The following CNTNAP4 variants were observed in gnomAD, a reference collection of about 807,000 sequenced individuals.
The protein encoded by CNTNAP4 is contactin associated protein family member 4, also known as contactin-associated protein-like 4.
A neutral mutation model predicts 148.4 loss-of-function variants in CNTNAP4; 98 were observed. The ratio of observed to expected loss-of-function variants is 0.66; its 90% CI spans 0.56 to 0.78. The LOEUF (loss-of-function observed/expected upper bound fraction) is 0.78. Ranked by LOEUF, CNTNAP4 falls within the 30% of genes least tolerant of loss-of-function variation. The pLI is 0.00. For synonymous variants in CNTNAP4, 730 were observed against 565.1 expected (o/e 1.29, Z -4.14); for missense variants, 1,935 against 1,565.6 (o/e 1.24, Z -3.98).
intron 6 of CNTNAP4, 95 bp downstream of exon 6, chr16:76,449,046 A>G (rs2080356514): frequency 2.6e-6 from 3 of 1,142,944 alleles, no homozygotes; most frequent in Admixed American, 2.2e-5. Flanking sequence ...CCACCTTTTC[A>G]GTAAATCATA....
In CNTNAP4 at chr16:76,543,896, T is replaced by A. The variant is rs191080327; in HGVS notation, c.3442+3106T>A. On this transcript the variant is annotated intron_variant, in intron 21 of 23. Transcript: ENST00000611870. ...ACGTTTCCGCACTTATCAAATATGT[T>A]TTGCATTTTTGTAAGCCCAGGTGAC... Among the ~76,000 whole-genome samples, 123 of 152,240 alleles carry A rather than the reference T, an allele frequency of 8.1e-4. 1 individual carries two copies. Among genetic ancestry groups the A allele is most frequent in the African/African-American group, 2.8e-3 (118 of 41,544 alleles).
At chr16:76,471,757 C>A (rs1366361953) in intron 10 of CNTNAP4, among the ~76,000 whole-genome samples, 2 of 152,170 alleles carry the variant, frequency 1.3e-5, no homozygotes, top group African/African-American at 2.4e-5. Context: ...TCCTGTAATA[C>A]TGAAGGCATG....
chr16:76,519,244 T>C (rs1291875436), intron 15 of CNTNAP4, among the ~76,000 whole-genome samples: 2 of 152,188 alleles, frequency 1.3e-5, no homozygotes, highest in Admixed American at 6.5e-5. Context: ...ATAGACATTA[T>C]TATGTATATG....
chr16:76,475,926 C>T lies in CNTNAP4; in HGVS notation c.1656-13C>T. ...AAATGGAAACTGGTGATTGTATCTG[C>T]ACCTTCTTTTAGGTGTTTGCCCAAC... On this transcript the variant is annotated splice_polypyrimidine_tract_variant and intron_variant, in intron 10 of 23. Transcript: ENST00000611870. 6.3e-7 allele frequency: 1 copy of T among 1,592,724 alleles called. No homozygotes were observed.
intron 3 of CNTNAP4, among the ~76,000 whole-genome samples, chr16:76,393,385 A>G (rs1358569965): frequency 2.6e-5 from 4 of 152,216 alleles, no homozygotes; most frequent in Non-Finnish European, 5.9e-5. Context: ...TATTTACCCC[A>G]GTGACAATGA....
intron 1 of CNTNAP4, among the ~76,000 whole-genome samples, chr16:76,308,457 G>T (rs1018486640): frequency 6.6e-6 from 1 of 152,198 alleles, no homozygotes; most frequent in African/African-American, 2.4e-5. Flanking sequence ...GAATGTGACA[G>T]TGCAGCAGCT....
chr16:76,533,639 G>A (rs2084084621), intron 17 of CNTNAP4, among the ~76,000 whole-genome samples: 1 of 151,080 alleles, frequency 6.6e-6, no homozygotes, highest in Non-Finnish European at 1.5e-5. Flanking sequence ...CAACAAAAAG[G>A]AATAAACAAC....
chr16:76,326,147 C>G (rs1404213360), intron 2 of CNTNAP4, among the ~76,000 whole-genome samples: 1 of 152,258 alleles, frequency 6.6e-6, no homozygotes, highest in African/African-American at 2.4e-5. Context: ...AACCTTGATA[C>G]CAAACAGTGT....
chr16:76,365,824 T>C (rs1441465736), intron 3 of CNTNAP4, among the ~76,000 whole-genome samples: 3 of 151,790 alleles, frequency 2.0e-5, no homozygotes, highest in Non-Finnish European at 4.4e-5. Context: ...CAGTAATGCT[T>C]CTAACAACAA....
At chr16:76,332,880 T>C (rs1963661588) in intron 2 of CNTNAP4, among the ~76,000 whole-genome samples, 1 of 152,140 alleles carries the variant, frequency 6.6e-6, no homozygotes, top group South Asian at 2.1e-4. Context: ...TGGCAGCGCT[T>C]GTACATAATG....
At chr16:76,305,395 C>T (rs1008440261) in intron 1 of CNTNAP4, among the ~76,000 whole-genome samples, 1 of 152,076 alleles carries the variant, frequency 6.6e-6, no homozygotes, top group Non-Finnish European at 1.5e-5. Flanking sequence ...AACTGATTAG[C>T]TGGCATTTTT....
intron 9 of CNTNAP4, among the ~76,000 whole-genome samples, chr16:76,464,319 G>T (rs1213641351): frequency 6.6e-6 from 1 of 152,190 alleles, no homozygotes; most frequent in Non-Finnish European, 1.5e-5. Flanking sequence ...GAGGGCTAAA[G>T]TAGGGTCCCT....
intron 1 of CNTNAP4, among the ~76,000 whole-genome samples, chr16:76,289,658 T>C (rs1959032574): frequency 6.6e-6 from 1 of 151,992 alleles, no homozygotes; most frequent in Non-Finnish European, 1.5e-5. Flanking sequence ...CTGCAACCTC[T>C]GCTTCCCAGG....
chr16:76,530,404 AC>A (rs1378591473), intron 17 of CNTNAP4, among the ~76,000 whole-genome samples: 1 of 152,130 alleles, frequency 6.6e-6, no homozygotes, highest in African/African-American at 2.4e-5. Flanking sequence ...CCCCGAGTGT[AC>A]TTTTCTATAT....
chr16:76,501,190 T>C (rs1392533912), intron 15 of CNTNAP4, among the ~76,000 whole-genome samples: 1 of 152,228 alleles, frequency 6.6e-6, no homozygotes, highest in African/African-American at 2.4e-5. Flanking sequence ...GAAGATGATA[T>C]AGGATATTTC....
intron 17 of CNTNAP4, among the ~76,000 whole-genome samples, chr16:76,530,274 C>A (rs966925958): frequency 1.3e-5 from 2 of 151,792 alleles, no homozygotes; most frequent in Non-Finnish European, 2.9e-5. Flanking sequence ...TATCAAGCAG[C>A]CTTAGGTTTG....
intron 3 of CNTNAP4, among the ~76,000 whole-genome samples, chr16:76,366,238 A>C (rs1252840516): frequency 6.6e-6 from 1 of 152,152 alleles, no homozygotes; most frequent in Non-Finnish European, 1.5e-5. Context: ...CCAGGTACTA[A>C]GCCTGGTACC....
intron 3 of CNTNAP4, among the ~76,000 whole-genome samples, chr16:76,416,021 TC>T (rs2078967788): frequency 6.6e-6 from 1 of 151,098 alleles, no homozygotes. Flanking sequence ...GCTTTATTTT[TC>T]CCCCTAATGT....
chr16:76,471,698 C>T (rs2081383745), intron 10 of CNTNAP4, among the ~76,000 whole-genome samples: 1 of 152,142 alleles, frequency 6.6e-6, no homozygotes, highest in African/African-American at 2.4e-5. Flanking sequence ...CTTATACTCA[C>T]ACACAGGGTT....
Sources: gnomAD v4.1 joint callset for allele counts (sites outside exome capture counted in the v4.1 genomes callset) on GRCh38, gnomAD v4.1.1 for gene constraint, MANE v1.5 for transcripts, NCBI Gene and HGNC (gene_info 2026-07-23, HGNC 2026-07-21) for gene names.